ZBTB46: variants seen among roughly 807,000 people sequenced by gnomAD.
The protein encoded by ZBTB46 is zinc finger and BTB domain containing 46, also known as zinc finger and BTB domain-containing protein 46.
Under a neutral mutation model 44.1 loss-of-function variants are expected in ZBTB46, and 8 were observed. The observed-to-expected ratio is 0.18, with a 90% CI of 0.11 to 0.33. ZBTB46 has a LOEUF of 0.33. Ranked by LOEUF, ZBTB46 falls within the 10% of genes least tolerant of loss-of-function variation. The pLI, the probability that ZBTB46 is intolerant of heterozygous loss-of-function variation, is 1.00. For synonymous variants in ZBTB46, 409 were observed against 382.3 expected (o/e 1.07, Z -0.81); for missense variants, 651 against 847.7 (o/e 0.77, Z 2.88).
intron 1 of ZBTB46, among the ~76,000 whole-genome samples, chr20:63,809,000 GAAAAA>G (rs2092701852): frequency 8.8e-6 from 1 of 113,842 alleles, no homozygotes; most frequent in Non-Finnish European, 1.9e-5. Flanking sequence ...AAAAAAAAAA[GAAAAA>G]GAAAAAAAAA....
chr20:63,797,109 T>G (rs2092609762), intron 1 of ZBTB46, among the ~76,000 whole-genome samples: 1 of 152,034 alleles, frequency 6.6e-6, no homozygotes, highest in African/African-American at 2.4e-5. Context: ...CTGCACCCAT[T>G]AACTCGTCAT....
chr20:63,777,760 G>A lies in ZBTB46; in HGVS notation c.938-1798C>T, dbSNP rs142882866. Among the ~76,000 whole-genome samples, 11 of 152,264 alleles carry A rather than the reference G, an allele frequency of 7.2e-5. No homozygotes were observed. The East Asian group carries it at 1.7e-3, about 24-fold the overall frequency. ...ACAGCCAACAAGTCCATCGATGGACGAATGGATAAACATAACAGGTCCATC... is the reference window on the plus strand; with the variant it reads ...ACAGCCAACAAGTCCATCGATGGACAAATGGATAAACATAACAGGTCCATC... On this transcript the variant is annotated intron_variant, in intron 2 of 4. Coordinates refer to ENST00000245663, the MANE Select transcript of ZBTB46 (RefSeq NM_001369741.1).
chr20:63,814,245 A>G (rs2092734743), intron 1 of ZBTB46, among the ~76,000 whole-genome samples: 1 of 151,632 alleles, frequency 6.6e-6, no homozygotes, highest in Non-Finnish European at 1.5e-5. Context: ...AAAAAAAAAA[A>G]AAAGAAAAGA....
intron 4 of ZBTB46, among the ~76,000 whole-genome samples, chr20:63,751,060 A>G (rs2092156115): frequency 6.6e-6 from 1 of 152,268 alleles, no homozygotes; most frequent in South Asian, 2.1e-4. Flanking sequence ...GTTAGCACCT[A>G]TCAGTTTAAA....
intron 1 of ZBTB46, among the ~76,000 whole-genome samples, chr20:63,820,570 G>T (rs2092786346): frequency 6.6e-6 from 1 of 151,732 alleles, no homozygotes; most frequent in African/African-American, 2.4e-5. Flanking sequence ...CGAGTAGCTG[G>T]ATTACAGGCG....
At chr20:63,779,149 G>A (rs1280325187) in intron 2 of ZBTB46, among the ~76,000 whole-genome samples, 1 of 152,108 alleles carries the variant, frequency 6.6e-6, no homozygotes, top group African/African-American at 2.4e-5. Context: ...CGGGGGCTGG[G>A]GTTTCAACAC....
intron 1 of ZBTB46, among the ~76,000 whole-genome samples, chr20:63,792,189 T>C (rs1490061318): frequency 2.0e-5 from 3 of 152,154 alleles, no homozygotes; most frequent in Admixed American, 2.0e-4. Context: ...TCTGGGGTCC[T>C]AGGGGGCTAG....
chr20:63,748,282 G>A (rs1392974548), intron 4 of ZBTB46, among the ~76,000 whole-genome samples: 1 of 152,240 alleles, frequency 6.6e-6, no homozygotes, highest in Non-Finnish European at 1.5e-5. Flanking sequence ...CCTGAAGAGG[G>A]CCCATGTGGC....
intron 1 of ZBTB46, among the ~76,000 whole-genome samples, chr20:63,825,826 G>A (rs570462271): frequency 3.3e-5 from 5 of 152,308 alleles, no homozygotes; most frequent in African/African-American, 9.6e-5. Context: ...AGCTTGGGCC[G>A]ACTTCTCGTT....
At chr20:63,812,540 G>A (rs748216645) in intron 1 of ZBTB46, among the ~76,000 whole-genome samples, 18 of 152,350 alleles carry the variant, frequency 1.2e-4, no homozygotes, top group Non-Finnish European at 2.4e-4. Context: ...GCTTTGGGAG[G>A]TGGAGGCGGG....
intron 2 of ZBTB46, among the ~76,000 whole-genome samples, chr20:63,782,024 T>G (rs1412275816): frequency 6.8e-6 from 1 of 147,832 alleles, no homozygotes; most frequent in Non-Finnish European, 1.5e-5. Flanking sequence ...GAGGCGGAGC[T>G]TGCAGTGAGC....
chr20:63,831,303 C>T (rs1316030458), upstream of ZBTB46: 1 of 48,760 alleles, frequency 2.1e-5, no homozygotes, highest in East Asian at 1.0e-3. Context: ...CCCCGCCGCC[C>T]GCGCGCGCGC....
chr20:63,816,561 A>ACAG (rs145262530), intron 1 of ZBTB46: 3 of 152,504 alleles, frequency 2.0e-5, no homozygotes, highest in Non-Finnish European at 4.4e-5. Flanking sequence ...CGTCAAGGAT[A>ACAG]CAGTGGCCAC....
chr20:63,768,406 C>T (rs1258781622), intron 3 of ZBTB46, among the ~76,000 whole-genome samples: 1 of 152,164 alleles, frequency 6.6e-6, no homozygotes, highest in Admixed American at 6.6e-5. Flanking sequence ...GCCTGGCCAA[C>T]ATGGTGAAAC....
intron 2 of ZBTB46, among the ~76,000 whole-genome samples, chr20:63,784,470 C>A (rs1221874028): frequency 2.0e-5 from 3 of 152,230 alleles, no homozygotes; most frequent in Non-Finnish European, 4.4e-5. Context: ...ACACACAGAT[C>A]CTCCTGTAGC....
At chr20:63,771,749 T>C (rs888459523) in intron 3 of ZBTB46, among the ~76,000 whole-genome samples, 1 of 152,190 alleles carries the variant, frequency 6.6e-6, no homozygotes, top group Non-Finnish European at 1.5e-5. Flanking sequence ...CCTACGGCAG[T>C]GAGGGAGGAC....
rs551692218 is a variant in ZBTB46 at position 63,800,738 on chromosome 20, G to A, written c.-33-9948C>T. Among the ~76,000 whole-genome samples, 140 of 152,386 alleles carry A rather than the reference G, an allele frequency of 9.2e-4. 2 individuals carry two copies. The highest frequency in any genetic ancestry group is 3.2e-3 in the African/African-American group (135 of 41,604). On this transcript the variant is annotated intron_variant, in intron 1 of 4. Coordinates refer to ENST00000245663, the MANE Select transcript of ZBTB46 (RefSeq NM_001369741.1). ...CCAGCAGTGCCGGCCCACCGGCGCT[G>A]TGCTTGATTTCTCGCCGGCCCTAGC...
chr20:63,746,952 T>C lies in ZBTB46; in HGVS notation c.1748A>G (p.Lys583Arg). The part of the protein sequence containing the change: ...RPRSPPGGPD[K>R]DFAWLS ...GGCCTAGGAGAGCCAGGCGAAGTCCTTGTCAGGGCCTCCTGGGGGGCTGCG... is the reference window on the plus strand; with the variant it reads ...GGCCTAGGAGAGCCAGGCGAAGTCCCTGTCAGGGCCTCCTGGGGGGCTGCG... The change falls in exon 5 of 5, where the codon AAG becomes AGG. Residue 583 changes from lysine (K) to arginine (R), a missense_variant. Lys to Arg is a conservative substitution (Grantham distance 26). Transcript: ENST00000245663. The C allele has an allele frequency of 6.3e-7, 1 of 1,580,068 alleles. No individual in the cohort carries two copies. The highest frequency in any genetic ancestry group is 1.1e-5 in the South Asian group (1 of 87,302).
intron 1 of ZBTB46, among the ~76,000 whole-genome samples, chr20:63,809,279 C>A (rs2092704108): frequency 6.6e-6 from 1 of 152,230 alleles, no homozygotes; most frequent in Non-Finnish European, 1.5e-5. Context: ...CCCAGCGCGT[C>A]CAGTCCTCAT....
Sources: allele counts gnomAD v4.1 joint callset (sites outside exome capture counted in the v4.1 genomes callset), GRCh38; gene constraint gnomAD v4.1.1; transcripts MANE v1.5; gene names NCBI Gene and HGNC (gene_info 2026-07-23, HGNC 2026-07-21).